SLC38A10: variants seen among roughly 807,000 people sequenced by gnomAD.
SLC38A10 encodes solute carrier family 38 member 10.
In SLC38A10, 53 loss-of-function variants were observed where a neutral mutation model predicts 81.0. The observed-to-expected ratio is 0.65, with a 90% CI of 0.53 to 0.82. SLC38A10 has a LOEUF of 0.82. Ranked by LOEUF, SLC38A10 falls within the 40% of genes least tolerant of loss-of-function variation. SLC38A10 has a pLI of 0.00. For missense variants in SLC38A10, 1,471 were observed against 1,545.0 expected (o/e 0.95, Z 0.80); for synonymous variants, 665 against 655.3 (o/e 1.01, Z -0.23).
chr17:81,259,020 C>T (rs762120839), intron 11 of SLC38A10, among the ~76,000 whole-genome samples: 4 of 152,236 alleles, frequency 2.6e-5, no homozygotes, highest in Non-Finnish European at 5.9e-5. Flanking sequence ...CGGAGAGTGT[C>T]CCTCGGGGCA....
At chr17:81,268,012 C>T (rs1452165969) in intron 10 of SLC38A10, among the ~76,000 whole-genome samples, 5 of 151,340 alleles carry the variant, frequency 3.3e-5, no homozygotes, top group African/African-American at 9.7e-5. Flanking sequence ...CGGAGAAGGA[C>T]GCCACTCCAC....
At chr17:81,282,147 G>A (rs761358586) in intron 5 of SLC38A10, 42 bp downstream of exon 5, 2 of 1,608,506 alleles carry the variant, frequency 1.2e-6, no homozygotes, top group East Asian at 2.2e-5. Flanking sequence ...AATGGGCCAG[G>A]AGCAGCCTTT....
At chr17:81,285,935 G>A (rs2063262903) in intron 2 of SLC38A10, among the ~76,000 whole-genome samples, 1 of 152,176 alleles carries the variant, frequency 6.6e-6, no homozygotes, top group Non-Finnish European at 1.5e-5. Context: ...CCCACCTCCA[G>A]GGCTCACCCT....
rs115704289 is a variant in SLC38A10 at position 81,283,917 on chromosome 17, G to A, written c.264-415C>T. Reference sequence around the variant, plus strand: ...GAGCCACTGTGCCTGGCCAACAGATGTGATTTCAAACGCGCCCCAGTTCAC... The same window carrying A: ...GAGCCACTGTGCCTGGCCAACAGATATGATTTCAAACGCGCCCCAGTTCAC... On this transcript the variant is annotated intron_variant, in intron 3 of 15. Transcript: ENST00000374759. This position sits in a 1 kb window ranked among gnomAD's most constrained non-coding sequence, Gnocchi z 4.7. 5.3e-3 allele frequency among the ~76,000 whole-genome samples: 802 copies of A among 151,408 alleles called. 4 individuals carry two copies. The highest frequency in any genetic ancestry group is 0.018 in the African/African-American group (759 of 41,254).
At position 81,252,250 on chromosome 17, in the gene SLC38A10, C is replaced by T. The variant is rs754398165; in HGVS notation, c.1890G>A (p.Pro630=). ...VGGGEKAKGG[P]PPGNAAGDTG... ...TGTCCCCGGCGGCGTTGCCTGGCGG[C>T]GGTCCCCCCTTGGCCTTTTCCCCTC... The change falls in exon 13 of 16, where the codon CCG becomes CCA. Residue 630 remains proline (P), a synonymous_variant. Transcript: ENST00000374759. 2.3e-4 allele frequency: 361 copies of T among 1,555,298 alleles called. No homozygotes were observed. The highest frequency in any genetic ancestry group is 1.7e-3 in the Middle Eastern group (10 of 5,776).
chr17:81,249,380 C>A (rs114218637), intron 14 of SLC38A10, among the ~76,000 whole-genome samples: 13 of 532 alleles, frequency 0.024, no homozygotes, highest in Non-Finnish European at 0.029. Flanking sequence ...GGAAGAGGAG[C>A]AGGAGGGAGG....
At chr17:81,251,733 C>CATATAAA (rs2062916779) in intron 13 of SLC38A10, 121 bp from the exon 14 acceptor site, 6 of 1,085,276 alleles carry the variant, frequency 5.5e-6, no homozygotes, top group Non-Finnish European at 7.4e-6. Flanking sequence ...AAAGTGACAC[C>CATATAAA]CCCGTCAGCA....
chr17:81,252,311 AC>A lies in SLC38A10; in HGVS notation c.1828del (p.Val610CysfsTer95). ...DRGLHPRPQA[V>X]LSEQQNGLAV... Reference sequence around the variant, plus strand: ...CAGGCCGTTCTGCTGCTCAGACAGCACTGCCTGGGGCCGAGGATGCAGGCCC... The same window carrying A: ...CAGGCCGTTCTGCTGCTCAGACAGCATGCCTGGGGCCGAGGATGCAGGCCC... On this transcript the variant is annotated frameshift_variant, in exon 13 of 16. Transcript: ENST00000374759. LOFTEE classifies it high-confidence loss of function. The A allele has an allele frequency of 6.2e-7, 1 of 1,612,098 alleles. No individual in the cohort carries two copies. The highest frequency in any genetic ancestry group is 8.5e-7 in the Non-Finnish European group (1 of 1,179,402).
chr17:81,277,067 A>C lies in SLC38A10; in HGVS notation c.693T>G (p.Ala231=). Residue 231 remains alanine, a synonymous_variant, in exon 7 of 16, where the codon GCT becomes GCG. Transcript: ENST00000374759. The surrounding 1 kb of genome is among the most constrained non-coding windows in gnomAD (Gnocchi z 4.5). ...AGGTGGTGACCACATTAAGGGAGGA[A>C]GCAAATATGGAGCTCATGGTTTTCA... ...PSVKTMSSIF[A]SSLNVVTTFY... 1.2e-6 allele frequency: 2 copies of C among 1,613,726 alleles called. No homozygotes were observed. The highest frequency in any genetic ancestry group is 8.5e-7 in the Non-Finnish European group (1 of 1,179,740).
intron 13 of SLC38A10, chr17:81,251,947 G>T: frequency 1.7e-6 from 1 of 601,920 alleles, no homozygotes; most frequent in Non-Finnish European, 2.7e-6. Flanking sequence ...CCAGACACAC[G>T]AGCACAGCGC....
chr17:81,267,969 A>G (rs946612076), intron 10 of SLC38A10, among the ~76,000 whole-genome samples: 1 of 151,692 alleles, frequency 6.6e-6, no homozygotes, highest in African/African-American at 2.4e-5. Context: ...AGGGCGCTCC[A>G]GCAGCCAGAG....
Position 81,277,575 on chromosome 17 carries a change from A to G in SLC38A10, c.627-442T>C, listed in dbSNP as rs545585656. Among the ~76,000 whole-genome samples, 33 of 152,318 alleles carry G rather than the reference A, an allele frequency of 2.2e-4. No individual in the cohort carries two copies. Among genetic ancestry groups the G allele is most frequent in the African/African-American group, 6.5e-4 (27 of 41,576 alleles). On this transcript the variant is annotated intron_variant, in intron 6 of 15. Transcript: ENST00000374759. This position sits in a 1 kb window ranked among gnomAD's most constrained non-coding sequence, Gnocchi z 4.5. ...TCGGCGCCTCCGCACAGGCATGATCAGAGTCGGCACAGACAAGGAGGCGGC... is the reference window on the plus strand; with the variant it reads ...TCGGCGCCTCCGCACAGGCATGATCGGAGTCGGCACAGACAAGGAGGCGGC...
At chr17:81,273,017 G>T (rs2063130845) in intron 8 of SLC38A10, among the ~76,000 whole-genome samples, 1 of 152,192 alleles carries the variant, frequency 6.6e-6, no homozygotes. Flanking sequence ...AATGCCCCAG[G>T]ACTCTCCTGG....
rs2062915691 is a variant in SLC38A10, at chr17:81,251,630, A to G, written c.1946-18T>C. On this transcript the variant is annotated intron_variant, in intron 13 of 15. Coordinates refer to ENST00000374759, the MANE Select transcript of SLC38A10 (RefSeq NM_001037984.3). ...CTTCCCACCTGCACACACGGTGAAG[A>G]CTCAGAAGGTTTTGCAGGAAAGTCA... 1 of 1,472,194 alleles carries G rather than the reference A, an allele frequency of 6.8e-7. No homozygotes were observed. Among genetic ancestry groups the G allele is most frequent in the South Asian group, 1.4e-5 (1 of 70,242 alleles). 91.2% of individuals were successfully genotyped at this position (1,472,194 alleles called of 1,614,324 possible).
chr17:81,249,228 A>G (rs1449032146), intron 14 of SLC38A10, among the ~76,000 whole-genome samples: 1 of 101,196 alleles, frequency 9.9e-6, no homozygotes, highest in Non-Finnish European at 2.0e-5. Flanking sequence ...AGGGAGAAAG[A>G]GGAGGAGGGA....
rs773807401 is a variant in SLC38A10 at position 81,289,678 on chromosome 17, G to A, written c.217+13C>T. The A allele has an allele frequency of 1.1e-5, 17 of 1,597,452 alleles. No individual in the cohort carries two copies. The South Asian group carries it at 1.9e-4, about 18-fold the overall frequency. On this transcript the variant is annotated intron_variant, in intron 2 of 15. Coordinates refer to ENST00000374759, the MANE Select transcript of SLC38A10 (RefSeq NM_001037984.3). The surrounding 1 kb of genome is among the most constrained non-coding windows in gnomAD (Gnocchi z 5.9). ...CCCAGGTCCAGAGCCACCTTGTGGA[G>A]AGGGCGCCTCACCCAGGCCGGCGTA...
chr17:81,284,802 T>G, intron 3 of SLC38A10, 48 bp downstream of exon 3: 1 of 1,431,584 alleles, frequency 7.0e-7, no homozygotes, highest in African/African-American at 1.5e-5. Context: ...GTCCCCAGTG[T>G]CTGGGTGCGG....
rs1395962469 is a variant in SLC38A10, at chr17:81,265,776, C to T, written c.1131+5142G>A. Among the ~76,000 whole-genome samples, 1 of 152,230 alleles carries T rather than the reference C, an allele frequency of 6.6e-6. No homozygotes were observed. The highest frequency in any genetic ancestry group is 1.5e-5 in the Non-Finnish European group (1 of 68,042). On this transcript the variant is annotated intron_variant, in intron 10 of 15. Coordinates refer to ENST00000374759, the MANE Select transcript of SLC38A10 (RefSeq NM_001037984.3). The surrounding 1 kb of genome is among the most constrained non-coding windows in gnomAD (Gnocchi z 4.2). ...GCCTTGCGGTGCTGACATCTCCGTA[C>T]CTAAGGAAACAGGGCATGCTGAGCG...
rs372338221 is a variant in SLC38A10 at position 81,252,521 on chromosome 17, G to A, written c.1619C>T (p.Pro540Leu). 25 of 1,613,180 alleles carry A rather than the reference G, an allele frequency of 1.5e-5. No homozygotes were observed. Among genetic ancestry groups the A allele is most frequent in the African/African-American group, 4.0e-5 (3 of 74,932 alleles). ...CTCTCTTTCTGAGTCGGGCAGAGGCGGCGCCATCTGGCCCTGGACCCCTGG... is the reference window on the plus strand; with the variant it reads ...CTCTCTTTCTGAGTCGGGCAGAGGCAGCGCCATCTGGCCCTGGACCCCTGG... Reference protein sequence around the residue: ...KAPGVQGQMAPPLPDSEREKQ... With the variant: ...KAPGVQGQMALPLPDSEREKQ... The change falls in exon 13 of 16, where the codon CCG (proline) becomes CTG (leucine). Residue 540 changes from proline (P) to leucine (L), a missense_variant. By Grantham distance (98) the Pro-to-Leu change is moderately conservative (BLOSUM62 -3). Transcript: ENST00000374759.
Sources: gnomAD v4.1 joint callset for allele counts (sites outside exome capture counted in the v4.1 genomes callset) on GRCh38, gnomAD v4.1.1 for gene constraint, Gnocchi (gnomAD v3.1) non-coding constraint, MANE v1.5 for transcripts, NCBI Gene and HGNC (gene_info 2026-07-23, HGNC 2026-07-21) for gene names.